The following ETV6 variants were observed in gnomAD, a reference collection of about 807,000 sequenced individuals.
ETV6 encodes the protein transcription factor ETV6.
In ETV6, 16 loss-of-function variants were observed where a neutral mutation model predicts 51.1. The observed-to-expected ratio is 0.31, with a 90% CI of 0.21 to 0.48. ETV6 has a LOEUF of 0.48. Among genes scored for constraint, ETV6 ranks in the 20% least tolerant of loss-of-function variants. The pLI is 0.99. For synonymous variants in ETV6, 240 were observed against 224.1 expected, an observed-to-expected ratio of 1.07 and a Z score of -0.64; for missense variants, 458 against 594.8, an observed-to-expected ratio of 0.77 and a Z score of 2.39.
At chr12:11,815,588 G>C (rs1251983929) in intron 2 of ETV6, among the ~76,000 whole-genome samples, 1 of 152,162 alleles carries the variant, frequency 6.6e-6, no homozygotes, top group Non-Finnish European at 1.5e-5. Flanking sequence ...AAGTAAGAAT[G>C]ATAATGCCCA....
At chr12:11,707,814 C>T (rs753570549) in intron 1 of ETV6, among the ~76,000 whole-genome samples, 7 of 152,144 alleles carry the variant, frequency 4.6e-5, no homozygotes, top group Non-Finnish European at 7.3e-5. Context: ...GGTTCTTCTC[C>T]GTCCAGTGAC....
chr12:11,803,594 G>GA (rs1435235221), intron 2 of ETV6, among the ~76,000 whole-genome samples: 1 of 152,116 alleles, frequency 6.6e-6, no homozygotes, highest in Admixed American at 6.6e-5. Flanking sequence ...TAAAGGATAG[G>GA]AAAAATATTT....
intron 1 of ETV6, among the ~76,000 whole-genome samples, chr12:11,686,312 T>C (rs545752660): frequency 6.6e-6 from 1 of 152,332 alleles, no homozygotes; most frequent in South Asian, 2.1e-4. Context: ...GAGTTTATGG[T>C]AGATTCAGTT....
At chr12:11,883,300 T>C (rs1354701347) in intron 5 of ETV6, among the ~76,000 whole-genome samples, 16 of 133,748 alleles carry the variant, frequency 1.2e-4, no homozygotes, top group Non-Finnish European at 1.9e-4. Flanking sequence ...TTTTTTTTTT[T>C]TTTTTTTTTT....
chr12:11,851,300 G>A (rs922290226), intron 3 of ETV6, among the ~76,000 whole-genome samples: 20 of 149,786 alleles, frequency 1.3e-4, no homozygotes, highest in Admixed American at 3.3e-4. Flanking sequence ...TTTCTATTCC[G>A]CATACTACCA....
chr12:11,846,304 A>C (rs1408192295), intron 3 of ETV6, among the ~76,000 whole-genome samples: 1 of 152,222 alleles, frequency 6.6e-6, no homozygotes, highest in Non-Finnish European at 1.5e-5. Flanking sequence ...GCTGTTTGCA[A>C]ATTAAAGAAT....
chr12:11,856,579 C>T (rs1252211066), intron 4 of ETV6, among the ~76,000 whole-genome samples: 1 of 152,138 alleles, frequency 6.6e-6, no homozygotes, highest in Non-Finnish European at 1.5e-5. Flanking sequence ...TCCCTATCCT[C>T]CTGCCTTTCA....
intron 1 of ETV6, among the ~76,000 whole-genome samples, chr12:11,741,587 A>C (rs990426649): frequency 6.6e-6 from 1 of 152,226 alleles, no homozygotes; most frequent in Non-Finnish European, 1.5e-5. Context: ...GGAGCTGCAG[A>C]GGCAATAGGG....
chr12:11,687,461 C>T (rs1258767206), intron 1 of ETV6, among the ~76,000 whole-genome samples: 7 of 152,034 alleles, frequency 4.6e-5, no homozygotes, highest in Non-Finnish European at 1.0e-4. Context: ...ACATTACAGG[C>T]GTGACCCGCA....
chr12:11,652,417 T>A (rs1863923158), intron 1 of ETV6, among the ~76,000 whole-genome samples: 1 of 152,202 alleles, frequency 6.6e-6, no homozygotes, highest in Non-Finnish European at 1.5e-5. Flanking sequence ...GGTGACTGCA[T>A]AATAAAAAAT....
chr12:11,650,498 A>AAAC (rs1863880969), intron 1 of ETV6, among the ~76,000 whole-genome samples: 1 of 82,632 alleles, frequency 1.2e-5, no homozygotes, highest in African/African-American at 3.8e-5. Context: ...AAAAAAAACA[A>AAAC]AAAACAAAAA....
Position 11,663,541 on chromosome 12 carries a change from G to C in ETV6, c.33+13381G>C, listed in dbSNP as rs1391769154. Among the ~76,000 whole-genome samples the C allele has an allele frequency of 2.6e-5, 4 of 152,302 alleles. No individual in the cohort carries two copies. The East Asian group carries it at 7.7e-4, about 29-fold the overall frequency. Reference sequence around the variant, plus strand: ...AGAGGAAAAGATTACACAAAATCCAGCCTTGTTGTGGCGAAGAAACCTAAC... The same window carrying C: ...AGAGGAAAAGATTACACAAAATCCACCCTTGTTGTGGCGAAGAAACCTAAC... On this transcript the variant is annotated intron_variant, in intron 1 of 7. Transcript: ENST00000396373.
chr12:11,884,578 A>T lies in ETV6; in HGVS notation c.1143A>T (p.Gly381=), dbSNP rs925111872. The T allele has an allele frequency of 5.6e-6, 9 of 1,613,958 alleles. No homozygotes were observed. The Admixed American group carries it at 1.5e-4, about 27-fold the overall frequency. ...VDPNGLARLW[G]NHKNRTNMTY... ...CCAACGGACTGGCTCGACTGTGGGG[A>T]AACCATAAGGTAAAAGGGCAGCAGA... Residue 381 remains glycine (G), a synonymous_variant, in exon 6 of 8, where the codon GGA becomes GGT. Coordinates refer to ENST00000396373, the MANE Select transcript of ETV6 (RefSeq NM_001987.5).
intron 1 of ETV6, among the ~76,000 whole-genome samples, chr12:11,690,895 T>TAAATAAATAAAC (rs1864744853): frequency 1.3e-5 from 2 of 149,664 alleles, no homozygotes; most frequent in Non-Finnish European, 3.0e-5. Flanking sequence ...TCTAAATAAA[T>TAAATAAATAAAC]AAATAAATAA....
chr12:11,692,592 G>T lies in ETV6; in HGVS notation c.33+42432G>T, dbSNP rs941115124. On this transcript the variant is annotated intron_variant, in intron 1 of 7. Transcript: ENST00000396373. ...TAAAGCCATGTTCCTTATAAGATCA[G>T]TCTTTTTTTGTTCCTCTATGTGTCT... Among the ~76,000 whole-genome samples, 15 of 152,070 alleles carry T rather than the reference G, an allele frequency of 9.9e-5. 1 individual carries two copies. The highest frequency in any genetic ancestry group is 3.4e-4 in the African/African-American group (14 of 41,398).
intron 5 of ETV6, among the ~76,000 whole-genome samples, chr12:11,878,387 C>G (rs1387496728): frequency 1.3e-5 from 2 of 152,170 alleles, no homozygotes; most frequent in South Asian, 2.1e-4. Flanking sequence ...TGCTGTAATA[C>G]AGAGTCCTAC....
chr12:11,690,886 C>CTAAA lies in ETV6; in HGVS notation c.33+40747_33+40750dup, dbSNP rs58188628. On this transcript the variant is annotated intron_variant, in intron 1 of 7. Transcript: ENST00000396373. ...TGGGCGACAGAGTGAGACTCTGTCTCTAAATAAATAAATAAATAAATAAAA... is the reference window on the plus strand; with the variant it reads ...TGGGCGACAGAGTGAGACTCTGTCTCTAAATAAATAAATAAATAAATAAATAAAA... 2.7e-3 allele frequency among the ~76,000 whole-genome samples: 373 copies of CTAAA among 140,578 alleles called. 5 individuals carry two copies. Among genetic ancestry groups the CTAAA allele is most frequent in the South Asian group, 0.019 (79 of 4,204 alleles). 92.2% of individuals were successfully genotyped at this position (140,578 alleles called of 152,430 possible). A position where few individuals can be genotyped will look rare whatever the true frequency, so the allele number is the denominator to read the frequency against.
At chr12:11,780,766 C>A (rs1342948531) in intron 2 of ETV6, among the ~76,000 whole-genome samples, 1 of 152,232 alleles carries the variant, frequency 6.6e-6, no homozygotes, top group Non-Finnish European at 1.5e-5. Flanking sequence ...AAAGCTCTGC[C>A]AATCTTGGGA....
chr12:11,672,498 C>T (rs188041894), intron 1 of ETV6, among the ~76,000 whole-genome samples: 1 of 152,306 alleles, frequency 6.6e-6, no homozygotes, highest in Admixed American at 6.5e-5. Context: ...GTTAACACAA[C>T]GACGTAGCAA....
Sources: gnomAD v4.1 joint callset for allele counts (sites outside exome capture counted in the v4.1 genomes callset) on GRCh38, gnomAD v4.1.1 for gene constraint, MANE v1.5 for transcripts, NCBI Gene and HGNC (gene_info 2026-07-23, HGNC 2026-07-21) for gene names.